FBXW10B: variants seen among roughly 807,000 people sequenced by gnomAD.
FBXW10B encodes the protein F-box and WD repeat domain containing protein 10B.
chr17:15,594,969 T>A, the FBXW10B span: 1 of 1,580,998 alleles, frequency 6.3e-7, no homozygotes, highest in South Asian at 1.2e-5. Context: ...TTCAGATGAA[T>A]CCCAAAGCCA....
At chr17:15,571,336 C>T in the FBXW10B span, among the ~76,000 whole-genome samples, 5 of 150,682 alleles carry the variant, frequency 3.3e-5, no homozygotes, top group East Asian at 2.0e-4. Flanking sequence ...CACAGCAAGA[C>T]CCTGTCAAAA....
the FBXW10B span, chr17:15,573,635 T>C: frequency 6.4e-6 from 1 of 155,204 alleles, no homozygotes; most frequent in Non-Finnish European, 1.4e-5. Flanking sequence ...TTCAAGAAAT[T>C]GAAAATGCAT....
At chr17:15,606,121 G>C in the FBXW10B span, among the ~76,000 whole-genome samples, 4 of 141,186 alleles carry the variant, frequency 2.8e-5, no homozygotes, top group Non-Finnish European at 6.1e-5. Flanking sequence ...TGGAGTACAG[G>C]GGCACAATAA....
At chr17:15,610,087 C>T in the FBXW10B span, among the ~76,000 whole-genome samples, 10 of 152,046 alleles carry the variant, frequency 6.6e-5, no homozygotes, top group Non-Finnish European at 1.5e-4. Flanking sequence ...GCCTTGAACT[C>T]CTGACCTCAG....
the FBXW10B span, among the ~76,000 whole-genome samples, chr17:15,604,079 CA>C: frequency 2.1e-4 from 26 of 121,792 alleles, 1 homozygote; most frequent in South Asian, 2.7e-4. Context: ...GACTCTATCT[CA>C]AAAAAAAAAA....
At chr17:15,600,892 CA>C in the FBXW10B span, among the ~76,000 whole-genome samples, 2 of 147,180 alleles carry the variant, frequency 1.4e-5, no homozygotes, top group South Asian at 2.2e-4. Context: ...TACTAAAATA[CA>C]AAAAAACATT....
At chr17:15,595,372 A>G in the FBXW10B span, among the ~76,000 whole-genome samples, 2 of 152,000 alleles carry the variant, frequency 1.3e-5, no homozygotes, top group Non-Finnish European at 2.9e-5. Context: ...AAAAGAAAAA[A>G]TAAAAGAAAA....
the FBXW10B span, among the ~76,000 whole-genome samples, chr17:15,603,238 A>G: frequency 6.6e-6 from 1 of 151,640 alleles, no homozygotes; most frequent in Admixed American, 6.6e-5. Context: ...AACAAAGTTA[A>G]TAGATAGTCC....
the FBXW10B span, among the ~76,000 whole-genome samples, chr17:15,610,959 T>C: frequency 6.6e-6 from 1 of 151,828 alleles, no homozygotes; most frequent in African/African-American, 2.4e-5. Context: ...ATCTATAAAA[T>C]GGGTGAAGGG....
the FBXW10B span, among the ~76,000 whole-genome samples, chr17:15,579,177 G>A: frequency 2.1e-5 from 3 of 143,102 alleles, no homozygotes; most frequent in East Asian, 6.3e-4. Context: ...AAATAAAAAG[G>A]TGTCTGTGTG....
the FBXW10B span, among the ~76,000 whole-genome samples, chr17:15,603,173 C>T: frequency 2.0e-5 from 3 of 151,624 alleles, no homozygotes; most frequent in African/African-American, 4.9e-5. Context: ...CGTGAGCCAC[C>T]GCGCCTGGCC....
the FBXW10B span, among the ~76,000 whole-genome samples, chr17:15,571,068 G>A: frequency 2.6e-5 from 4 of 152,274 alleles, no homozygotes; most frequent in South Asian, 4.2e-4. Context: ...AAAAGGGGCC[G>A]GGCACAGTGG....
the FBXW10B span, among the ~76,000 whole-genome samples, chr17:15,579,273 T>C: frequency 6.6e-6 from 1 of 152,230 alleles, no homozygotes; most frequent in Non-Finnish European, 1.5e-5. Flanking sequence ...TTAAACATGT[T>C]TTAAAATTTA....
chr17:15,608,440 G>T, the FBXW10B span, among the ~76,000 whole-genome samples: 1 of 151,598 alleles, frequency 6.6e-6, no homozygotes, highest in East Asian at 1.9e-4. Context: ...GATTACAGGC[G>T]TGAGCCACCA....
the FBXW10B span, among the ~76,000 whole-genome samples, chr17:15,595,711 A>T: frequency 2.4e-3 from 365 of 152,162 alleles, 1 homozygote; most frequent in African/African-American, 8.6e-3. Flanking sequence ...CCTGCTGCAA[A>T]TCATATATCA....
chr17:15,568,044 C>A, the FBXW10B span, among the ~76,000 whole-genome samples: 4 of 152,098 alleles, frequency 2.6e-5, no homozygotes, highest in East Asian at 7.7e-4. Flanking sequence ...GGTTATTGAA[C>A]CTTTCCCTCA....
the FBXW10B span, chr17:15,572,249 A>T: frequency 2.0e-5 from 3 of 152,138 alleles, no homozygotes; most frequent in African/African-American, 7.2e-5. Flanking sequence ...GATTGCCTGG[A>T]ATCAAAGCCT....
the FBXW10B span, among the ~76,000 whole-genome samples, chr17:15,569,732 G>A: frequency 6.6e-6 from 1 of 151,818 alleles, no homozygotes; most frequent in African/African-American, 2.4e-5. Flanking sequence ...AACACACCCA[G>A]CTAATTTTGT....
chr17:15,595,163 C>A, the FBXW10B span, among the ~76,000 whole-genome samples: 10 of 151,938 alleles, frequency 6.6e-5, no homozygotes, highest in Admixed American at 2.0e-4. Context: ...AACATGGTGA[C>A]ACCCTGTCTC....
Sources: allele counts gnomAD v4.1 joint callset (sites outside exome capture counted in the v4.1 genomes callset), GRCh38; gene constraint gnomAD v4.1.1; transcripts MANE v1.5; gene names NCBI Gene and HGNC (gene_info 2026-07-23, HGNC 2026-07-21).